The following ZNF320 variants were observed in gnomAD, a reference collection of about 807,000 sequenced individuals.
ZNF320 encodes zinc finger protein 320.
A neutral mutation model predicts 6.8 loss-of-function variants in ZNF320; 2 were observed. The observed-to-expected ratio is 0.29, with a 90% confidence interval of 0.12 to 0.93. ZNF320 has a LOEUF of 0.93. Among genes scored for constraint, ZNF320 ranks in the 40% least tolerant of loss-of-function variants. The pLI is 0.55. For synonymous variants in ZNF320, 208 were observed against 203.2 expected, an observed-to-expected ratio of 1.02 and a Z score of -0.20; for missense variants, 472 against 611.0, an observed-to-expected ratio of 0.77 and a Z score of 2.40.
chr19:52,883,406 C>T (rs1277451919), intron 5 of ZNF320, among the ~76,000 whole-genome samples: 1 of 151,964 alleles, frequency 6.6e-6, no homozygotes, highest in Non-Finnish European at 1.5e-5. Context: ...ATATTGAATA[C>T]CACATACCAA....
chr19:52,863,886 T>C (rs1202615447), exon 6 of ZNF320: 2 of 285,212 alleles, frequency 7.0e-6, no homozygotes, highest in Non-Finnish European at 1.4e-5. Context: ...CAAAATAACA[T>C]GCTGGGCATG....
At chr19:52,890,424 T>C in intron 3 of ZNF320, 96 bp from the exon 4 acceptor site, 1 of 1,021,486 alleles carries the variant, frequency 9.8e-7, no homozygotes, top group Non-Finnish European at 1.4e-6. Flanking sequence ...CCCTGGGAAA[T>C]ATGGTCCCCT....
intron 2 of ZNF320, among the ~76,000 whole-genome samples, chr19:52,891,810 C>G (rs1433044535): frequency 6.6e-6 from 1 of 152,124 alleles, no homozygotes; most frequent in Non-Finnish European, 1.5e-5. Context: ...GGGACATATT[C>G]ACCGAGTTAC....
downstream of ZNF320, among the ~76,000 whole-genome samples, chr19:52,872,544 G>A (rs750899150): frequency 1.8e-4 from 27 of 152,170 alleles, no homozygotes; most frequent in Non-Finnish European, 2.8e-4. Flanking sequence ...GCTCTGTCAC[G>A]CAGGTGGAGT....
At chr19:52,896,657 T>C (rs972879385) in intron 1 of ZNF320, among the ~76,000 whole-genome samples, 14 of 152,120 alleles carry the variant, frequency 9.2e-5, no homozygotes, top group African/African-American at 1.9e-4. Context: ...TGCAGTGAGC[T>C]GTGATCCTGT....
chr19:52,871,861 A>G (rs906416398), downstream of ZNF320, among the ~76,000 whole-genome samples: 3 of 152,178 alleles, frequency 2.0e-5, no homozygotes, highest in Non-Finnish European at 2.9e-5. Context: ...AATATTATGG[A>G]CCAGAGGGAT....
Position 52,881,566 on chromosome 19 carries a change from T to G in ZNF320, c.560A>C (p.Lys187Thr). 6.2e-7 allele frequency: 1 copy of G among 1,614,042 alleles called. No individual in the cohort carries two copies. Among genetic ancestry groups the G allele is most frequent in the Non-Finnish European group, 8.5e-7 (1 of 1,179,944 alleles). ...GTCGCAAACCTTACATTTGTATGGT[T>G]TCTCTCCAGTATGAATTATCCTATG... ...EIHRIIHTGEKPYKCKVCDKA... is the reference protein window; with the variant it reads ...EIHRIIHTGETPYKCKVCDKA... The change falls in exon 6 of 6, where the codon AAA becomes ACA. Residue 187 changes from lysine (K) to threonine (T), a missense_variant. Coordinates refer to ENST00000682928, the MANE Select transcript of ZNF320 (RefSeq NM_001351774.2).
chr19:52,873,586 C>T (rs982580448), downstream of ZNF320, among the ~76,000 whole-genome samples: 2 of 152,210 alleles, frequency 1.3e-5, no homozygotes, highest in African/African-American at 4.8e-5. Flanking sequence ...TACATAGACA[C>T]AGTAACAATC....
chr19:52,900,930 G>A (rs542285239), upstream of ZNF320, among the ~76,000 whole-genome samples: 86 of 150,062 alleles, frequency 5.7e-4, no homozygotes, highest in East Asian at 6.4e-3. Flanking sequence ...TTTTAACTGT[G>A]TAACTTTTTT....
rs932266422 is a variant in ZNF320 at position 52,880,923 on chromosome 19, T to C, written c.1203A>G (p.Ala401=). The change falls in exon 6 of 6, where the codon GCA becomes GCG. Residue 401 remains alanine (A), a synonymous_variant. Coordinates refer to ENST00000682928, the MANE Select transcript of ZNF320 (RefSeq NM_001351774.2). ...CTCCAGTATGAAGTTTTTGATGACATGCGAGGTACGCTTTTGTACTAAAAA... is the reference window on the plus strand; with the variant it reads ...CTCCAGTATGAAGTTTTTGATGACACGCGAGGTACGCTTTTGTACTAAAAA... ...GKVFSTKAYL[A]CHQKLHTGEK... is the part of the protein sequence containing the mutation. 1.9e-6 allele frequency: 3 copies of C among 1,613,518 alleles called. No homozygotes were observed. In the East Asian group the frequency reaches 6.7e-5, roughly 36 times the overall value.
In ZNF320 at chr19:52,863,611, A is replaced by G. The variant is rs549099087; in HGVS notation, c.*418T>C. Among the ~76,000 whole-genome samples the G allele has an allele frequency of 1.4e-4, 19 of 132,472 alleles. No homozygotes were observed. The South Asian group carries it at 3.6e-3, about 25-fold the overall frequency. The allele number at this position is 132,472 out of a possible 152,430, so 86.9% of individuals were successfully genotyped here. ...GAGCAAGACTCCATCTCAAAAAAGG[A>G]AAAAAAAAAAAAAAGAACTAAAATA... is the stretch of plus-strand genomic sequence containing the variant. On this transcript the variant is annotated 3_prime_UTR_variant, in exon 6 of 6. Coordinates refer to the ZNF320 transcript ENST00000673631.
At chr19:52,892,611 C>A (rs747874146) in intron 2 of ZNF320, among the ~76,000 whole-genome samples, 4 of 152,068 alleles carry the variant, frequency 2.6e-5, no homozygotes, top group Admixed American at 1.3e-4. Flanking sequence ...ATTAGCCAGG[C>A]TCCATCTCCA....
chr19:52,880,683 C>T lies in ZNF320; in HGVS notation c.1443G>A (p.Arg481=). ...TTTTCTGATGTTCTGCAAGGAGTGA[C>T]CTCAGACTAAAGACCTTGCCACACT... The part of the protein sequence containing the change: ...CHQCGKVFSL[R]SLLAEHQKIP... Residue 481 remains arginine, a synonymous_variant, in exon 6 of 6, where the codon AGG becomes AGA. Transcript: ENST00000682928. 1 of 1,613,916 alleles carries T rather than the reference C, an allele frequency of 6.2e-7. No individual in the cohort carries two copies. The highest frequency in any genetic ancestry group is 8.5e-7 in the Non-Finnish European group (1 of 1,179,864).
chr19:52,892,647 C>T (rs1407472915), intron 2 of ZNF320, among the ~76,000 whole-genome samples: 1 of 152,092 alleles, frequency 6.6e-6, no homozygotes, highest in East Asian at 1.9e-4. Context: ...CTTGCTGCTC[C>T]TTCTCCCCAA....
At chr19:52,867,737 G>A (rs922652251) in intron 5 of ZNF320, among the ~76,000 whole-genome samples, 2 of 151,768 alleles carry the variant, frequency 1.3e-5, no homozygotes, top group African/African-American at 2.4e-5. Context: ...TCAGCCTCCC[G>A]TGTAGCTGGG....
At position 52,876,414 on chromosome 19, in the gene ZNF320, C is replaced by T. The variant is rs549893797; in HGVS notation, c.*4182G>A. The T allele has an allele frequency of 2.1e-4, 32 of 151,968 alleles. No individual in the cohort carries two copies. Among genetic ancestry groups the T allele is most frequent in the African/African-American group, 4.1e-4 (17 of 41,330 alleles). 9.4% of individuals were successfully genotyped at this position (151,968 alleles called of 1,614,324 possible). On this transcript the variant is annotated 3_prime_UTR_variant, in exon 6 of 6. Coordinates refer to ENST00000682928, the MANE Select transcript of ZNF320 (RefSeq NM_001351774.2). ...AATGAAATGTGGGGTCAAAGAAGAA[C>T]ATTTTGAACACATACCGTAGTTGCA...
At chr19:52,859,936 G>A (rs1203761181), downstream of ZNF320, among the ~76,000 whole-genome samples, 2 of 147,752 alleles carry the variant, frequency 1.4e-5, no homozygotes, top group Non-Finnish European at 3.0e-5. Context: ...TTTTTGAGAC[G>A]GTGTATCGCT....
chr19:52,871,384 T>C (rs8111265), downstream of ZNF320, among the ~76,000 whole-genome samples: 39,549 of 152,002 alleles, frequency 0.26, 5,487 homozygotes, highest in South Asian at 0.34. Context: ...CCAGGCATCC[T>C]GGCACACATC....
chr19:52,863,576 C>T (rs994191304), exon 6 of ZNF320, among the ~76,000 whole-genome samples: 1 of 150,404 alleles, frequency 6.6e-6, no homozygotes, highest in African/African-American at 2.5e-5. Context: ...GCACTCCAGC[C>T]TGGGCTACAG....
Sources: allele counts gnomAD v4.1 joint callset (sites outside exome capture counted in the v4.1 genomes callset), GRCh38; gene constraint gnomAD v4.1.1; transcripts MANE v1.5; gene names NCBI Gene and HGNC (gene_info 2026-07-23, HGNC 2026-07-21).